The following FBXO11 variants were observed in gnomAD, a reference collection of about 807,000 sequenced individuals.
FBXO11 encodes F-box protein 11.
A neutral mutation model predicts 117.0 loss-of-function variants in FBXO11; 13 were observed. The observed-to-expected ratio is 0.11, with a 90% CI of 0.07 to 0.18. FBXO11 has a LOEUF of 0.18. Ranked by LOEUF, FBXO11 falls within the 10% of genes least tolerant of loss-of-function variation. The probability of loss-of-function intolerance (pLI) is 1.00; values close to 1 mark genes in which losing one functional copy is unlikely to be tolerated. For missense variants in FBXO11, 767 were observed against 1,164.4 expected, an observed-to-expected ratio of 0.66 and a Z score of 4.97; for synonymous variants, 490 against 380.5, an observed-to-expected ratio of 1.29 and a Z score of -3.35.
intron 13 of FBXO11, among the ~76,000 whole-genome samples, chr2:47,821,071 T>G (rs1330885500): frequency 6.6e-6 from 1 of 152,142 alleles, no homozygotes; most frequent in Non-Finnish European, 1.5e-5. Context: ...AAAAACAGAG[T>G]GAAACTATGG....
At chr2:47,887,560 TC>T (rs1289399888) in intron 1 of FBXO11, among the ~76,000 whole-genome samples, 1 of 151,964 alleles carries the variant, frequency 6.6e-6, no homozygotes, top group East Asian at 1.9e-4. Flanking sequence ...AGACCCTGTC[TC>T]TACAAAACAC....
At chr2:47,841,310 G>C (rs999943423) in intron 1 of FBXO11, among the ~76,000 whole-genome samples, 1 of 152,136 alleles carries the variant, frequency 6.6e-6, no homozygotes, top group African/African-American at 2.4e-5. Context: ...TATTAGATGA[G>C]GGGAAGCTTC....
At chr2:47,873,202 G>C (rs1053242337) in intron 1 of FBXO11, among the ~76,000 whole-genome samples, 2 of 152,170 alleles carry the variant, frequency 1.3e-5, no homozygotes, top group South Asian at 4.1e-4. Context: ...TTAAAGCACT[G>C]GGATGCTCAA....
rs1315185255 is a variant in FBXO11 at position 47,807,933 on chromosome 2, T to C, written c.*185A>G. On this transcript the variant is annotated 3_prime_UTR_variant, in exon 23 of 23. Transcript: ENST00000403359. Reference sequence around the variant, plus strand: ...AATGCTAAAACACCCAGCTTTGAGATCCTGAGTCAATATATTGCCACTTTC... The same window carrying C: ...AATGCTAAAACACCCAGCTTTGAGACCCTGAGTCAATATATTGCCACTTTC... 11 of 577,426 alleles carry C rather than the reference T, an allele frequency of 1.9e-5. No individual in the cohort carries two copies. Among genetic ancestry groups the C allele is most frequent in the Admixed American group, 1.9e-4 (6 of 32,358 alleles). 35.8% of individuals were successfully genotyped at this position (577,426 alleles called of 1,614,324 possible).
intron 1 of FBXO11, among the ~76,000 whole-genome samples, chr2:47,901,108 TATATGTAC>T (rs1160209095): frequency 5.4e-5 from 6 of 111,634 alleles, no homozygotes; most frequent in Non-Finnish European, 1.2e-4. Flanking sequence ...TATATATGTA[TATATGTAC>T]ACACGTGTGT....
intron 20 of FBXO11, 156 bp downstream of exon 20, chr2:47,809,444 C>G: frequency 1.4e-6 from 1 of 693,880 alleles, no homozygotes. Flanking sequence ...ATAAGATACT[C>G]CAACCATTTA....
rs770557491 is a variant in FBXO11 at position 47,833,049 on chromosome 2, T to C, written c.956A>G (p.Lys319Arg). 11 of 1,613,232 alleles carry C rather than the reference T, an allele frequency of 6.8e-6. No homozygotes were observed. Among genetic ancestry groups the C allele is most frequent in the South Asian group, 1.1e-5 (1 of 91,058 alleles). ...ATCTCTAGTGTTTTCAATTATAACT[T>C]TGTCTGCCACTTTCCCAGGTGCTGT... ...IGAAPGKVAD[K>R]VIIENTRDST... Residue 319 changes from lysine to arginine, a missense_variant, in exon 8 of 23, where the codon AAA becomes AGA. Lys to Arg is a conservative substitution (Grantham distance 26, BLOSUM62 2). Transcript: ENST00000403359.
rs190791550 is a variant in FBXO11 at position 47,891,223 on chromosome 2, G to A, written c.232+14266C>T. ...GACTATAGGTACAATACTGTATGGC[G>A]GAACTTATTCATCCTGCTTAACTGA... On this transcript the variant is annotated intron_variant, in intron 1 of 22. Transcript: ENST00000403359. 5.2e-4 allele frequency among the ~76,000 whole-genome samples: 79 copies of A among 152,156 alleles called. 1 individual carries two copies. The Middle Eastern group carries it at 0.014, about 26-fold the overall frequency.
chr2:47,819,544 T>C (rs544082882), intron 14 of FBXO11, among the ~76,000 whole-genome samples: 1 of 152,182 alleles, frequency 6.6e-6, no homozygotes, highest in African/African-American at 2.4e-5. Flanking sequence ...TCTACCTGAG[T>C]TTTAAGCTTT....
rs1672429962 is a variant in FBXO11, at chr2:47,834,833, A to G, written c.756T>C (p.His252=). The part of the protein sequence containing the change: ...GAHVKPGFAE[H]FYSNPARYKG... ...TATATCTTGCAGGGTTACTGTAGAA[A>G]TGTTCAGCAAATCCTGGCTTTACAT... The change falls in exon 6 of 23, where the codon CAT becomes CAC. Residue 252 remains histidine, a synonymous_variant. Coordinates refer to ENST00000403359, the MANE Select transcript of FBXO11 (RefSeq NM_001190274.2). 3.7e-6 allele frequency: 6 copies of G among 1,613,652 alleles called. No individual in the cohort carries two copies. The East Asian group carries it at 6.7e-5, about 18-fold the overall frequency.
intron 1 of FBXO11, among the ~76,000 whole-genome samples, chr2:47,842,448 G>A (rs1227604782): frequency 6.6e-6 from 1 of 152,150 alleles, no homozygotes; most frequent in African/African-American, 2.4e-5. Context: ...TGTGTTTTAT[G>A]TAGGTTTCTC....
chr2:47,851,491 T>C (rs1426026445), intron 1 of FBXO11, among the ~76,000 whole-genome samples: 1 of 152,156 alleles, frequency 6.6e-6, no homozygotes, highest in Non-Finnish European at 1.5e-5. Context: ...CTTCCCAAAG[T>C]GCTGGGATTA....
chr2:47,834,336 C>T (rs752793051), intron 7 of FBXO11, among the ~76,000 whole-genome samples: 1 of 151,430 alleles, frequency 6.6e-6, no homozygotes, highest in Non-Finnish European at 1.5e-5. Flanking sequence ...AGTGACATAG[C>T]TAGACTCTGC....
intron 1 of FBXO11, among the ~76,000 whole-genome samples, chr2:47,866,543 A>G (rs1675212080): frequency 6.6e-6 from 1 of 151,596 alleles, no homozygotes; most frequent in Non-Finnish European, 1.5e-5. Flanking sequence ...GCGTGATCTA[A>G]GCTCACTGCA....
intron 1 of FBXO11, among the ~76,000 whole-genome samples, chr2:47,895,898 T>C (rs912968694): frequency 6.6e-6 from 1 of 152,168 alleles, no homozygotes; most frequent in African/African-American, 2.4e-5. Flanking sequence ...GGTTTCACCA[T>C]GTTGGCCAGG....
intron 20 of FBXO11, 111 bp from the exon 21 acceptor site, chr2:47,809,377 T>G: frequency 1.3e-6 from 1 of 746,842 alleles, no homozygotes. Flanking sequence ...GAGCTTTAAA[T>G]GAAGCTAACC....
At chr2:47,896,954 G>C (rs1322650187) in intron 1 of FBXO11, among the ~76,000 whole-genome samples, 1 of 152,042 alleles carries the variant, frequency 6.6e-6, no homozygotes, top group African/African-American at 2.4e-5. Flanking sequence ...TATGATAGAA[G>C]TCTGGAAAGA....
intron 1 of FBXO11, among the ~76,000 whole-genome samples, chr2:47,881,968 G>T (rs1572898247): frequency 6.6e-6 from 1 of 152,108 alleles, no homozygotes; most frequent in East Asian, 1.9e-4. Context: ...GGCTGGTCTT[G>T]AACTCCTGGC....
At chr2:47,829,244 ATTTAT>A (rs1177471588) in intron 11 of FBXO11, among the ~76,000 whole-genome samples, 2 of 142,578 alleles carry the variant, frequency 1.4e-5, no homozygotes, top group Non-Finnish European at 3.1e-5. Flanking sequence ...TTATTTATTT[ATTTAT>A]TTATTTTTTG....
Sources: gnomAD v4.1 joint callset for allele counts (sites outside exome capture counted in the v4.1 genomes callset) on GRCh38, gnomAD v4.1.1 for gene constraint, MANE v1.5 for transcripts, NCBI Gene and HGNC (gene_info 2026-07-23, HGNC 2026-07-21) for gene names.